Variants in RIC8B observed in about 807,000 individuals in gnomAD.
The protein encoded by RIC8B is RIC8 guanine nucleotide exchange factor B, also known as chaperone Ric-8B.
RIC8B carries 16 observed loss-of-function variants against 57.5 expected under a neutral mutation model. The ratio of observed to expected loss-of-function variants is 0.28; its 90% CI spans 0.19 to 0.42. RIC8B has a LOEUF of 0.42. Ranked by LOEUF, RIC8B falls within the 10% of genes least tolerant of loss-of-function variation. The pLI is 1.00. For synonymous variants in RIC8B, 216 were observed against 250.8 expected (o/e 0.86, Z 1.31); for missense variants, 481 against 677.0 (o/e 0.71, Z 3.21).
chr12:106,808,929 A>AT (rs1464407694), intron 2 of RIC8B, among the ~76,000 whole-genome samples: 1 of 152,122 alleles, frequency 6.6e-6, no homozygotes, highest in African/African-American at 2.4e-5. Context: ...TTCATAGCCT[A>AT]TTTTGTTTCA....
At chr12:106,822,644 A>G (rs2045906378) in intron 3 of RIC8B, 1 of 152,208 alleles carries the variant, frequency 6.6e-6, no homozygotes, top group Non-Finnish European at 1.5e-5. Context: ...CTTGTGTAAT[A>G]CAATATTACA....
intron 9 of RIC8B, chr12:106,874,432 G>A: frequency 7.3e-7 from 1 of 1,361,544 alleles, no homozygotes; most frequent in Non-Finnish European, 1.0e-6. Flanking sequence ...GGTTGGAGGT[G>A]ATGTGGCCAA....
At position 106,831,214 on chromosome 12, in the gene RIC8B, A is replaced by G. The variant is rs531006107; in HGVS notation, c.836+5394A>G. ...CTTTCTCCACAGGCTGCTGAGCCCT[A>G]AGGGAAAGTTTTACCTAACCTGACA... On this transcript the variant is annotated intron_variant, in intron 4 of 9. Coordinates refer to ENST00000392837, the MANE Select transcript of RIC8B (RefSeq NM_001330145.2). 6.6e-5 allele frequency among the ~76,000 whole-genome samples: 10 copies of G among 152,298 alleles called. No individual in the cohort carries two copies. The East Asian group carries it at 1.9e-3, about 29-fold the overall frequency.
rs1487097495 is a variant in RIC8B, at chr12:106,867,239, T to C, written c.1452-3584T>C. 6.6e-6 allele frequency among the ~76,000 whole-genome samples: 1 copy of C among 152,200 alleles called. No homozygotes were observed. The highest frequency in any genetic ancestry group is 2.4e-5 in the African/African-American group (1 of 41,454). ...ACCTTTTTAGTGTGTCTTAATCCTT[T>C]TGTCTCCAGGCCCATAGCTGTTGTC... is the stretch of plus-strand genomic sequence containing the variant. On this transcript the variant is annotated intron_variant, in intron 8 of 9. Transcript: ENST00000392837. The surrounding 1 kb of genome is among the most constrained non-coding windows in gnomAD (Gnocchi z 4.3).
rs537529038 is a variant in RIC8B at position 106,879,610 on chromosome 12, A to AT, written c.1572-6287dup. On this transcript the variant is annotated intron_variant, in intron 9 of 9. Coordinates refer to ENST00000392837, the MANE Select transcript of RIC8B (RefSeq NM_001330145.2). This position sits in a 1 kb window ranked among gnomAD's most constrained non-coding sequence, Gnocchi z 4.9. ...CCCATCCCTAGCTCTTTAAGAAATT[A>AT]TTTTTTTGGTTTCCATTAGCAGTCC... 254 of 985,130 alleles carry AT rather than the reference A, an allele frequency of 2.6e-4. 4 individuals are homozygous for AT. In the South Asian group the frequency reaches 0.011, roughly 41 times the overall value. The allele number at this position is 985,130 out of a possible 1,614,324, so 61.0% of individuals were successfully genotyped here. A position where few individuals can be genotyped will look rare whatever the true frequency, so the allele number is the denominator to read the frequency against.
intron 2 of RIC8B, among the ~76,000 whole-genome samples, chr12:106,808,693 C>G (rs1289213682): frequency 6.6e-6 from 1 of 152,136 alleles, no homozygotes; most frequent in African/African-American, 2.4e-5. Context: ...TGAATTGGCA[C>G]TAATCAATGG....
intron 9 of RIC8B, among the ~76,000 whole-genome samples, chr12:106,883,136 C>T (rs1951027838): frequency 6.6e-6 from 1 of 152,052 alleles, no homozygotes; most frequent in Non-Finnish European, 1.5e-5. Context: ...GGTATATCCA[C>T]CCAGCAGTTT....
chr12:106,829,216 G>A (rs559255006), intron 4 of RIC8B, among the ~76,000 whole-genome samples: 8 of 152,272 alleles, frequency 5.3e-5, no homozygotes, highest in African/African-American at 1.9e-4. Context: ...CTCCACTGAA[G>A]GACATCCTAA....
intron 9 of RIC8B, among the ~76,000 whole-genome samples, chr12:106,883,216 G>T (rs1043816040): frequency 2.0e-5 from 3 of 152,064 alleles, no homozygotes; most frequent in African/African-American, 7.2e-5. Flanking sequence ...CCACACCTGA[G>T]TTTACCAACC....
Position 106,784,000 on chromosome 12 carries a change from A to G in RIC8B, c.88A>G (p.Arg30Gly). 1 of 1,613,752 alleles carries G rather than the reference A, an allele frequency of 6.2e-7. No homozygotes were observed. The highest frequency in any genetic ancestry group is 8.5e-7 in the Non-Finnish European group (1 of 1,179,752). ...GTTTCCCTTTTTTCCCCCTCAGCAT[A>G]GGGCTACTTTCAAATTTGAATCAAC... ...RVLRDYSDKH[R>G]ATFKFESTDE... The change falls in exon 2 of 10, where the codon AGG (arginine) becomes GGG (glycine). Residue 30 changes from arginine to glycine, a missense_variant. Physicochemically the swap from Arg to Gly is moderately radical, Grantham distance 125. This residue lies in a region of RIC8B where 421 missense variants were observed against 560.9 expected (regional missense o/e 0.75). Coordinates refer to ENST00000392837, the MANE Select transcript of RIC8B (RefSeq NM_001330145.2).
intron 7 of RIC8B, among the ~76,000 whole-genome samples, chr12:106,851,938 A>T (rs2136468970): frequency 6.6e-6 from 1 of 152,330 alleles, no homozygotes; most frequent in East Asian, 1.9e-4. Flanking sequence ...TAAGAGGCAC[A>T]GGTCTGGGTT....
intron 2 of RIC8B, among the ~76,000 whole-genome samples, chr12:106,785,835 G>C (rs2043995367): frequency 9.1e-6 from 1 of 110,190 alleles, no homozygotes. Flanking sequence ...GTGTGTGTGT[G>C]TGTGTGTGTG....
chr12:106,860,096 AT>A (rs755236870), intron 7 of RIC8B, among the ~76,000 whole-genome samples, 171 bp from the exon 8 acceptor site: 19 of 152,168 alleles, frequency 1.2e-4, no homozygotes, highest in Non-Finnish European at 2.5e-4. Context: ...CCCAGAACCT[AT>A]GGGAAAATTT....
At chr12:106,817,861 G>C (rs1476728507) in intron 3 of RIC8B, among the ~76,000 whole-genome samples, 5 of 150,008 alleles carry the variant, frequency 3.3e-5, no homozygotes, top group African/African-American at 1.2e-4. Context: ...CCAGAGTGCA[G>C]AGAAACTTGC....
At chr12:106,845,110 A>G (rs1949126607) in intron 6 of RIC8B, among the ~76,000 whole-genome samples, 1 of 152,064 alleles carries the variant, frequency 6.6e-6, no homozygotes, top group African/African-American at 2.4e-5. Flanking sequence ...TCCTTTCCAT[A>G]CATCTCTAAC....
chr12:106,819,261 T>C (rs2045728075), intron 3 of RIC8B, among the ~76,000 whole-genome samples: 2 of 152,174 alleles, frequency 1.3e-5, no homozygotes, highest in Non-Finnish European at 2.9e-5. Flanking sequence ...TGGACAGTGC[T>C]CCAAGTTCCT....
At chr12:106,856,455 C>T (rs1949719305) in intron 7 of RIC8B, among the ~76,000 whole-genome samples, 1 of 152,238 alleles carries the variant, frequency 6.6e-6, no homozygotes, top group Middle Eastern at 3.4e-3. Context: ...TATACTGCAC[C>T]ATTTCTTGGC....
intron 3 of RIC8B, among the ~76,000 whole-genome samples, chr12:106,821,452 C>T (rs952118400): frequency 6.6e-6 from 1 of 152,074 alleles, no homozygotes; most frequent in African/African-American, 2.4e-5. Context: ...TTTGAATCCC[C>T]ATCTTATACC....
At chr12:106,881,480 C>T (rs1950931390) in intron 9 of RIC8B, among the ~76,000 whole-genome samples, 1 of 151,938 alleles carries the variant, frequency 6.6e-6, no homozygotes, top group Non-Finnish European at 1.5e-5. Flanking sequence ...ATGTCCATCA[C>T]TGCCATTACA....
Sources: allele counts gnomAD v4.1 joint callset (sites outside exome capture counted in the v4.1 genomes callset), GRCh38; gene constraint gnomAD v4.1.1; regional missense constraint gnomAD v4.1.1; non-coding constraint Gnocchi (gnomAD v3.1); transcripts MANE v1.5; gene names NCBI Gene and HGNC (gene_info 2026-07-23, HGNC 2026-07-21).